IRS2: variants seen among roughly 807,000 people sequenced by gnomAD.
The protein encoded by IRS2 is insulin receptor substrate 2.
In IRS2, 28 loss-of-function variants were observed where a neutral mutation model predicts 70.9. The observed-to-expected ratio is 0.39, with a 90% CI of 0.29 to 0.54. The LOEUF (loss-of-function observed/expected upper bound fraction) is 0.54. Ranked by LOEUF, IRS2 falls within the 20% of genes least tolerant of loss-of-function variation. IRS2 has a pLI of 0.59. For missense variants in IRS2, 2,081 were observed against 2,024.1 expected (o/e 1.03, Z -0.54); for synonymous variants, 1,217 against 981.9 (o/e 1.24, Z -4.48).
chr13:109,765,821 T>C (rs1877325355), intron 1 of IRS2, among the ~76,000 whole-genome samples: 1 of 59,116 alleles, frequency 1.7e-5, no homozygotes, highest in Admixed American at 2.2e-4. Context: ...TATCCCAGCC[T>C]CATCCACCCT....
At position 109,786,549 on chromosome 13, in the gene IRS2, G is replaced by C. The variant is rs1877935378; in HGVS notation, c.-496C>G. ...CTGCTGCTGCTGCCAACGGCGACCC[G>C]GGCTCGTCGCGGTCCCCGCCGCACA... On this transcript the variant is annotated 5_prime_UTR_variant, in exon 1 of 2. Transcript: ENST00000375856. The surrounding 1 kb of genome is among the most constrained non-coding windows in gnomAD (Gnocchi z 4.4). 1 of 153,034 alleles carries C rather than the reference G, an allele frequency of 6.5e-6. No homozygotes were observed. The highest frequency in any genetic ancestry group is 1.8e-4 in the South Asian group (1 of 5,712). The allele number at this position is 153,034 out of a possible 1,614,324, so 9.5% of individuals were successfully genotyped here.
Position 109,782,463 on chromosome 13 carries a change from G to T in IRS2, c.3591C>A (p.Gly1197=). 1 of 1,565,112 alleles carries T rather than the reference G, an allele frequency of 6.4e-7. No individual in the cohort carries two copies. The highest frequency in any genetic ancestry group is 8.7e-7 in the Non-Finnish European group (1 of 1,155,504). ...GTCGTGGGGAGGTGGGCGGCTCGTC[G>T]CCCCCTCCAGGGCCGACACCCACGC... ...EGGVGVGPGG[G]DEPPTSPRQL... Residue 1197 remains glycine, a synonymous_variant, in exon 1 of 2, where the codon GGC becomes GGA. Transcript: ENST00000375856.
intron 1 of IRS2, 26 bp downstream of exon 1, chr13:109,782,016 G>C (rs1216108483): frequency 3.1e-6 from 5 of 1,610,426 alleles, no homozygotes; most frequent in Non-Finnish European, 4.2e-6. Flanking sequence ...CTTCCCGCCA[G>C]ACGCCAAGGC....
rs536431176 is a variant in IRS2, at chr13:109,783,423, C to G, written c.2631G>C (p.Pro877=). ...GGCCGCGCTGGCCCAAGAAGCCCTCCGGGCGGCCGCCGCTAGGCCGCACGG... is the reference window on the plus strand; with the variant it reads ...GGCCGCGCTGGCCCAAGAAGCCCTCGGGGCGGCCGCCGCTAGGCCGCACGG... ...PSPVRPSGGR[P]EGFLGQRGRA... is the part of the protein sequence containing the mutation. The change falls in exon 1 of 2, where the codon CCG becomes CCC. Residue 877 remains proline (P), a synonymous_variant. Transcript: ENST00000375856. 26 of 1,490,508 alleles carry G rather than the reference C, an allele frequency of 1.7e-5. No homozygotes were observed. Among genetic ancestry groups the G allele is most frequent in the Non-Finnish European group, 2.3e-5 (26 of 1,129,318 alleles). 92.3% of individuals were successfully genotyped at this position (1,490,508 alleles called of 1,614,324 possible). A position where few individuals can be genotyped will look rare whatever the true frequency, so the allele number is the denominator to read the frequency against.
chr13:109,754,639 C>A lies in IRS2; in HGVS notation c.*1665G>T. On this transcript the variant is annotated 3_prime_UTR_variant, in exon 2 of 2. Coordinates refer to ENST00000375856, the MANE Select transcript of IRS2 (RefSeq NM_003749.3). ...AGAAAAGTAAAACCTTAAAAATGTT[C>A]AGGGAGATCACTTTACATTCAACTT... 1 of 199,346 alleles carries A rather than the reference C, an allele frequency of 5.0e-6. No homozygotes were observed. The highest frequency in any genetic ancestry group is 1.0e-5 in the Non-Finnish European group (1 of 96,352). The allele number at this position is 199,346 out of a possible 1,614,324, so 12.3% of individuals were successfully genotyped here.
chr13:109,770,778 A>G (rs1393264259), intron 1 of IRS2, among the ~76,000 whole-genome samples: 1 of 152,190 alleles, frequency 6.6e-6, no homozygotes, highest in Non-Finnish European at 1.5e-5. Flanking sequence ...ATCTCCCAGG[A>G]CATCTACTCT....
At chr13:109,759,376 C>T (rs1302981684) in intron 1 of IRS2, among the ~76,000 whole-genome samples, 2 of 152,058 alleles carry the variant, frequency 1.3e-5, no homozygotes, top group Admixed American at 1.3e-4. Context: ...GAAGCGCTCG[C>T]GGTGATTTAA....
At chr13:109,772,834 T>C (rs575219431) in intron 1 of IRS2, among the ~76,000 whole-genome samples, 2 of 151,946 alleles carry the variant, frequency 1.3e-5, no homozygotes, top group African/African-American at 2.4e-5. Context: ...TAGCTGGGAC[T>C]ACAGGCGCCC....
Position 109,782,682 on chromosome 13 carries a change from G to A in IRS2, c.3372C>T (p.Ser1124=), listed in dbSNP as rs1877747578. ...CGCCGCGGTGGGGGTCCGGGGGCTG[G>A]CTGGCCTGCAGGAAGGCCTCGACTC... ...VSGVEAFLQA[S]QPPDPHRGAK... Residue 1124 remains serine (S), a synonymous_variant, in exon 1 of 2, where the codon AGC becomes AGT. Transcript: ENST00000375856. 6.3e-7 allele frequency: 1 copy of A among 1,577,698 alleles called. No homozygotes were observed. The highest frequency in any genetic ancestry group is 8.6e-7 in the Non-Finnish European group (1 of 1,163,536).
rs1229898333 is a variant in IRS2, at chr13:109,785,282, C to A, written c.772G>T (p.Glu258Ter). The A allele has an allele frequency of 6.2e-7, 1 of 1,608,410 alleles. No homozygotes were observed. The highest frequency in any genetic ancestry group is 8.5e-7 in the Non-Finnish European group (1 of 1,178,222). The change falls in exon 1 of 2, where the codon GAG (glutamate) becomes TAG (stop). Residue 258 changes from glutamate (E) to a stop codon, truncating the protein, a stop_gained. Transcript: ENST00000375856. LOFTEE classifies it high-confidence loss of function. This position sits in a 1 kb window ranked among gnomAD's most constrained non-coding sequence, Gnocchi z 9.3. ...CGHSDSFFFI[E>*]VGRSAVTGPG... ...CCTGTGACGGCCGAGCGGCCCACCT[C>A]GATGAAGAAGAAGCTGTCCGAGTGG...
chr13:109,776,306 T>C (rs4372569), intron 1 of IRS2, among the ~76,000 whole-genome samples: 50,440 of 152,158 alleles, frequency 0.33, 8,505 homozygotes, highest in Middle Eastern at 0.48. Context: ...CTTGTGTATA[T>C]AGATATCATA....
At chr13:109,758,283 A>AG (rs397828367) in intron 1 of IRS2, among the ~76,000 whole-genome samples, 3 of 150,970 alleles carry the variant, frequency 2.0e-5, no homozygotes, top group Non-Finnish European at 4.4e-5. Context: ...GGCCACCACA[A>AG]GCAGGTAACT....
chr13:109,758,373 G>A (rs1877152647), intron 1 of IRS2, among the ~76,000 whole-genome samples: 2 of 152,162 alleles, frequency 1.3e-5, no homozygotes, highest in Admixed American at 6.5e-5. Context: ...AGCTAAATGT[G>A]GCTGAATTAT....
chr13:109,757,909 T>C (rs2138909608), intron 1 of IRS2, among the ~76,000 whole-genome samples: 1 of 149,840 alleles, frequency 6.7e-6, no homozygotes, highest in South Asian at 2.1e-4. Flanking sequence ...CTTGAACTCC[T>C]GACCTCAGGT....
intron 1 of IRS2, among the ~76,000 whole-genome samples, chr13:109,775,855 A>G (rs571542267): frequency 6.6e-6 from 1 of 152,238 alleles, no homozygotes; most frequent in Non-Finnish European, 1.5e-5. Context: ...GAATATTAAA[A>G]GATCCAGCAT....
chr13:109,784,802 G>A lies in IRS2; in HGVS notation c.1252C>T (p.Leu418=), dbSNP rs987067568. The A allele has an allele frequency of 1.0e-5, 13 of 1,274,274 alleles. No homozygotes were observed. In the African/African-American group the frequency reaches 1.4e-4, roughly 14 times the overall value. 78.9% of individuals were successfully genotyped at this position (1,274,274 alleles called of 1,614,324 possible). A position where few individuals can be genotyped will look rare whatever the true frequency, so the allele number is the denominator to read the frequency against. ...GCGGRGSKVA[L]LPAGGALQHS... ...TGCAGCGCGCCCCCTGCCGGCAGCA[G>A]CGCCACCTTGCTCCCGCGGCCGCCG... The change falls in exon 1 of 2, where the codon CTG becomes TTG. Residue 418 remains leucine, a synonymous_variant. Transcript: ENST00000375856. This position sits in a 1 kb window ranked among gnomAD's most constrained non-coding sequence, Gnocchi z 5.2.
intron 1 of IRS2, among the ~76,000 whole-genome samples, chr13:109,773,881 A>G (rs1430028819): frequency 1.3e-5 from 2 of 152,236 alleles, no homozygotes; most frequent in Non-Finnish European, 2.9e-5. Flanking sequence ...TCATCAAGAT[A>G]CAAAGAACCA....
Position 109,784,358 on chromosome 13 carries a change from C to A in IRS2, c.1696G>T (p.Asp566Tyr), listed in dbSNP as rs2138935565. 1 of 1,609,464 alleles carries A rather than the reference C, an allele frequency of 6.2e-7. No individual in the cohort carries two copies. Among genetic ancestry groups the A allele is most frequent in the Non-Finnish European group, 8.5e-7 (1 of 1,179,392 alleles). Residue 566 changes from aspartate (D) to tyrosine (Y), a missense_variant, in exon 1 of 2, where the codon GAC becomes TAC. Asp to Tyr is a radical substitution (Grantham distance 160). Transcript: ENST00000375856. This position sits in a 1 kb window ranked among gnomAD's most constrained non-coding sequence, Gnocchi z 5.2. ...YRRVSGDAAQ[D>Y]LDRGLRKRTY... ...CTCTTGCGCAGCCCTCGGTCCAGGT[C>A]CTGGGCCGCGTCCCCCGAGACCCGG...
chr13:109,770,675 G>A (rs1050569890), intron 1 of IRS2, among the ~76,000 whole-genome samples: 3 of 152,166 alleles, frequency 2.0e-5, no homozygotes, highest in Non-Finnish European at 4.4e-5. Flanking sequence ...AAGGATCAGA[G>A]GGGCTGCCCA....
Sources: gnomAD v4.1 joint callset for allele counts (sites outside exome capture counted in the v4.1 genomes callset) on GRCh38, gnomAD v4.1.1 for gene constraint, Gnocchi (gnomAD v3.1) non-coding constraint, MANE v1.5 for transcripts, NCBI Gene and HGNC (gene_info 2026-07-23, HGNC 2026-07-21) for gene names.